The following SMAP1 variants were observed in gnomAD, a reference collection of about 807,000 sequenced individuals.
SMAP1 encodes stromal membrane-associated protein 1.
In SMAP1, 24 loss-of-function variants were observed where a neutral mutation model predicts 58.5. The ratio of observed to expected loss-of-function variants is 0.41; its 90% confidence interval spans 0.30 to 0.58. The LOEUF is 0.58. Among genes scored for constraint, SMAP1 ranks in the 20% least tolerant of loss-of-function variants. The pLI is 0.29. For missense variants in SMAP1, 563 were observed against 566.3 expected (o/e 0.99, Z 0.06); for synonymous variants, 216 against 196.6 (o/e 1.10, Z -0.82).
intron 1 of SMAP1, among the ~76,000 whole-genome samples, chr6:70,685,513 AAG>A (rs945137936): frequency 3.3e-5 from 5 of 152,172 alleles, no homozygotes; most frequent in African/African-American, 1.2e-4. Flanking sequence ...TTTTTAATAA[AAG>A]AGGTAGTTCT....
intron 1 of SMAP1, among the ~76,000 whole-genome samples, chr6:70,732,097 G>A (rs182929462): frequency 3.9e-5 from 6 of 152,174 alleles, no homozygotes; most frequent in Admixed American, 3.3e-4. Flanking sequence ...ATTCAAATAT[G>A]CTAAGTGAAG....
At chr6:70,837,780 GT>G in intron 7 of SMAP1, 1 of 1,211,022 alleles carries the variant, frequency 8.3e-7, no homozygotes. Flanking sequence ...TTTTTTTTTA[GT>G]TTGGAGAAAG....
At position 70,783,633 on chromosome 6, in the gene SMAP1, G is replaced by GCTCAAGAA. The variant is rs1174058727; in HGVS notation, c.415-8053_415-8046dup. Among the ~76,000 whole-genome samples the GCTCAAGAA allele has an allele frequency of 2.6e-5, 4 of 152,318 alleles. No homozygotes were observed. The East Asian group carries it at 7.7e-4, about 29-fold the overall frequency. ...GGAGCTGATGGAGCTGAAAGCCAAG[G>GCTCAAGAA]CTCAAGAACTACATGAAGAATGCAG... On this transcript the variant is annotated intron_variant, in intron 4 of 10. Coordinates refer to ENST00000370455, the MANE Select transcript of SMAP1 (RefSeq NM_001044305.3).
chr6:70,784,570 G>A (rs545543005), intron 4 of SMAP1, among the ~76,000 whole-genome samples: 1 of 152,228 alleles, frequency 6.6e-6, no homozygotes, highest in East Asian at 1.9e-4. Context: ...CTCACATGCA[G>A]AGACACACAT....
chr6:70,722,616 CCAAA>C (rs963359553), intron 1 of SMAP1, among the ~76,000 whole-genome samples: 8 of 152,102 alleles, frequency 5.3e-5, no homozygotes, highest in African/African-American at 1.9e-4. Context: ...GCTGAGAGCC[CCAAA>C]CAGAGATTTA....
In SMAP1 at chr6:70,860,250, A is replaced by C. The variant is rs772797443; in HGVS notation, c.1320A>C (p.Ala440=). The part of the protein sequence containing the change: ...GMSISSATPT[A]GFGQPSSTTA... The stretch of plus-strand genomic sequence containing the variant: ...GTATCAGTAGTGCAACCCCTACTGC[A>C]GGTTTTGGCCAGCCCTCCAGCACAA... Residue 440 remains alanine (A), a synonymous_variant, in exon 11 of 11, where the codon GCA becomes GCC. Transcript: ENST00000370455. The C allele has an allele frequency of 1.9e-5, 31 of 1,613,550 alleles. No homozygotes were observed. The highest frequency in any genetic ancestry group is 2.5e-5 in the Non-Finnish European group (30 of 1,179,844).
chr6:70,671,065 G>C (rs1366012457), intron 1 of SMAP1, among the ~76,000 whole-genome samples: 1 of 152,212 alleles, frequency 6.6e-6, no homozygotes, highest in Admixed American at 6.5e-5. Flanking sequence ...AGCAGCTCTT[G>C]TTGGTTATTA....
chr6:70,812,151 G>C (rs2149971142), intron 6 of SMAP1, among the ~76,000 whole-genome samples: 1 of 152,278 alleles, frequency 6.6e-6, no homozygotes, highest in East Asian at 1.9e-4. Context: ...CGTTAGGTAA[G>C]GGGGACTGCT....
chr6:70,688,293 G>A (rs888772200), intron 1 of SMAP1, among the ~76,000 whole-genome samples: 51 of 152,094 alleles, frequency 3.4e-4, no homozygotes, highest in Non-Finnish European at 8.8e-5. Context: ...TGTGGATGTA[G>A]GTTTTTATTT....
chr6:70,743,988 T>A (rs1765916416), intron 2 of SMAP1, among the ~76,000 whole-genome samples: 1 of 152,222 alleles, frequency 6.6e-6, no homozygotes. Flanking sequence ...ATTTTCTTTT[T>A]CCTCTTGATT....
chr6:70,723,249 C>T (rs931406954), intron 1 of SMAP1, among the ~76,000 whole-genome samples: 39 of 152,292 alleles, frequency 2.6e-4, no homozygotes, highest in African/African-American at 9.4e-4. Flanking sequence ...GCCTCAGCCT[C>T]CCAGGTAGCT....
chr6:70,765,500 T>G (rs1023618458), intron 3 of SMAP1, among the ~76,000 whole-genome samples: 5 of 152,172 alleles, frequency 3.3e-5, no homozygotes, highest in African/African-American at 4.8e-5. Context: ...TACCCAATTT[T>G]TAGTGAATCT....
chr6:70,791,417 A>G (rs948717254), intron 4 of SMAP1, among the ~76,000 whole-genome samples: 1 of 152,290 alleles, frequency 6.6e-6, no homozygotes, highest in East Asian at 1.9e-4. Flanking sequence ...TACTTTTGGT[A>G]TGATCTTATC....
intron 2 of SMAP1, among the ~76,000 whole-genome samples, chr6:70,744,683 T>C (rs1765952052): frequency 6.6e-6 from 1 of 152,254 alleles, no homozygotes; most frequent in Non-Finnish European, 1.5e-5. Context: ...TTTGGGTATA[T>C]ACCCAGTAAT....
rs1178332756 is a variant in SMAP1 at position 70,815,914 on chromosome 6, C to CT, written c.576+17178dup. Among the ~76,000 whole-genome samples, 23 of 151,946 alleles carry CT rather than the reference C, an allele frequency of 1.5e-4. 1 individual carries two copies. Among genetic ancestry groups the CT allele is most frequent in the Admixed American group, 1.4e-3 (21 of 15,220 alleles). Reference sequence around the variant, plus strand: ...GGATGCCTGCAGTGTGTAAGGCAGGCTAAAGGGTTGGAAGGAATATAAAAA... The same window carrying CT: ...GGATGCCTGCAGTGTGTAAGGCAGGCTTAAAGGGTTGGAAGGAATATAAAAA... On this transcript the variant is annotated intron_variant, in intron 6 of 10. Transcript: ENST00000370455.
At chr6:70,677,048 C>T (rs1465749109) in intron 1 of SMAP1, among the ~76,000 whole-genome samples, 2 of 151,982 alleles carry the variant, frequency 1.3e-5, no homozygotes, top group Non-Finnish European at 2.9e-5. Flanking sequence ...GCCTAGGCCT[C>T]CTGAAGTGCT....
At chr6:70,767,920 G>A (rs1252961408) in intron 3 of SMAP1, among the ~76,000 whole-genome samples, 19 of 145,418 alleles carry the variant, frequency 1.3e-4, no homozygotes, top group Admixed American at 7.7e-4. Context: ...TTTGAGATAC[G>A]TCCCACCAAT....
rs1771697408 is a variant in SMAP1, at chr6:70,860,982, C to T, written c.*648C>T. 6.1e-6 allele frequency: 2 copies of T among 328,276 alleles called. No individual in the cohort carries two copies. Among genetic ancestry groups the T allele is most frequent in the Non-Finnish European group, 1.1e-5 (2 of 181,326 alleles). 20.3% of individuals were successfully genotyped at this position (328,276 alleles called of 1,614,324 possible). ...GTAATTTGGATCTCTTCTTAATGTACATAGTGCTAACATGAAGACCTTTTT... is the reference window on the plus strand; with the variant it reads ...GTAATTTGGATCTCTTCTTAATGTATATAGTGCTAACATGAAGACCTTTTT... On this transcript the variant is annotated 3_prime_UTR_variant, in exon 11 of 11. Transcript: ENST00000370455.
chr6:70,728,848 T>G lies in SMAP1; in HGVS notation c.119-3530T>G, dbSNP rs148806260. On this transcript the variant is annotated intron_variant, in intron 1 of 10. Transcript: ENST00000370455. ...TGAATTATCTTTCTCCCTCTTCTTC[T>G]GATAATGAATTCAGAGTGGATGAGC... Among the ~76,000 whole-genome samples, 57 of 152,286 alleles carry G rather than the reference T, an allele frequency of 3.7e-4. No homozygotes were observed. The East Asian group carries it at 0.01, about 27-fold the overall frequency.
Sources: gnomAD v4.1 joint callset for allele counts (sites outside exome capture counted in the v4.1 genomes callset) on GRCh38, gnomAD v4.1.1 for gene constraint, MANE v1.5 for transcripts, NCBI Gene and HGNC (gene_info 2026-07-23, HGNC 2026-07-21) for gene names.